POSTN: variants seen among roughly 807,000 people sequenced by gnomAD.
The protein encoded by POSTN is osteoblast specific factor 2 (fasciclin I-like).
A neutral mutation model predicts 104.5 loss-of-function variants in POSTN; 71 were observed. That is an observed-to-expected ratio of 0.68 (90% CI 0.56 to 0.83). The LOEUF is 0.83. Among genes scored for constraint, POSTN ranks in the 40% least tolerant of loss-of-function variants. POSTN has a pLI of 0.00. For missense variants in POSTN, 949 were observed against 1,006.8 expected, an observed-to-expected ratio of 0.94 and a Z score of 0.78; for synonymous variants, 355 against 340.7, an observed-to-expected ratio of 1.04 and a Z score of -0.46.
intron 3 of POSTN, among the ~76,000 whole-genome samples, chr13:37,591,378 G>C (rs1950929780): frequency 6.6e-6 from 1 of 152,164 alleles, no homozygotes; most frequent in African/African-American, 2.4e-5. Context: ...ATTATCCAAA[G>C]TGCAAGGTGT....
intron 2 of POSTN, among the ~76,000 whole-genome samples, chr13:37,593,971 A>T (rs775156008): frequency 7.9e-5 from 12 of 151,798 alleles, no homozygotes; most frequent in Non-Finnish European, 1.8e-4. Context: ...AAAAATACAG[A>T]CAAAATTAAA....
At chr13:37,563,517 G>T (rs1949991124) in intron 22 of POSTN, 147 bp from the exon 23 acceptor site, 2 of 388,792 alleles carry the variant, frequency 5.1e-6, no homozygotes, top group African/African-American at 4.2e-5. Flanking sequence ...TTCAACTTAT[G>T]GTGAAGCAAA....
rs773378508 is a variant in POSTN, at chr13:37,570,600, C to T, written c.2249G>A (p.Arg750Gln). Residue 750 changes from arginine (R) to glutamine (Q), a missense_variant, in exon 19 of 23, where the codon CGA (arginine) becomes CAA (glutamine). By Grantham distance (43) the Arg-to-Gln change is conservative. Coordinates refer to ENST00000379747, the MANE Select transcript of POSTN (RefSeq NM_006475.3). ...GCTACCTGTAATGATTCGTTCTTCT[C>T]GTGTCTCTTTTTCAGTTATTTCCAC... ...VPVEITEKETREERIITGPEI... is the reference protein window; with the variant it reads ...VPVEITEKETQEERIITGPEI... 18 of 1,602,646 alleles carry T rather than the reference C, an allele frequency of 1.1e-5. 1 individual carries two copies. The highest frequency in any genetic ancestry group is 6.7e-5 in the Admixed American group (4 of 59,892).
intron 12 of POSTN, 107 bp from the exon 13 acceptor site, chr13:37,579,466 C>A: frequency 1.1e-6 from 1 of 918,250 alleles, no homozygotes; most frequent in Non-Finnish European, 1.6e-6. Flanking sequence ...TGTACTTTCT[C>A]ATAATATCAT....
chr13:37,584,788 C>T lies in POSTN; in HGVS notation c.1036G>A (p.Val346Met). The T allele has an allele frequency of 6.2e-7, 1 of 1,613,832 alleles. No individual in the cohort carries two copies. The highest frequency in any genetic ancestry group is 8.5e-7 in the Non-Finnish European group (1 of 1,179,856). ...DSITVNGIKM[V>M]NKKDIVTNNG... ...TTTGTCACAATATCCTTTTTGTTCA[C>T]CATTTTGATTCCATTTACTGTTATA... is the stretch of plus-strand genomic sequence containing the variant. Residue 346 changes from valine to methionine, a missense_variant, in exon 8 of 23, where the codon GTG becomes ATG. Physicochemically the swap from Val to Met is conservative, Grantham distance 21. Coordinates refer to ENST00000379747, the MANE Select transcript of POSTN (RefSeq NM_006475.3).
chr13:37,564,928 T>C (rs1950046479), intron 21 of POSTN: 1 of 167,150 alleles, frequency 6.0e-6, no homozygotes, highest in African/African-American at 2.4e-5. Flanking sequence ...ATATAAAGTT[T>C]AACACAAGTA....
At position 37,590,380 on chromosome 13, in the gene POSTN, A is replaced by T; in HGVS notation, c.433T>A (p.Leu145Met). 1 of 1,561,652 alleles carries T rather than the reference A, an allele frequency of 6.4e-7. No individual in the cohort carries two copies. Among genetic ancestry groups the T allele is most frequent in the Non-Finnish European group, 8.7e-7 (1 of 1,153,620 alleles). The change falls in exon 4 of 23, where the codon TTG becomes ATG. Residue 145 changes from leucine (L) to methionine (M), a missense_variant. Leu to Met is a conservative substitution (Grantham distance 15, BLOSUM62 2). Transcript: ENST00000379747. ...FAPSNEAWDN[L>M]DSDIRRGLES... ...TAAAAATAATGAATTACAGAATCCA[A>T]GTTGTCCCAAGCCTCATTACTCGGT...
intron 2 of POSTN, 104 bp from the exon 3 acceptor site, chr13:37,592,268 T>C: frequency 1.3e-6 from 1 of 758,330 alleles, no homozygotes; most frequent in Non-Finnish European, 2.1e-6. Context: ...TTTGTTGAGG[T>C]TCTAAAAATC....
chr13:37,579,386 A>G (rs746143336), intron 12 of POSTN, 27 bp from the exon 13 acceptor site: 2 of 1,503,296 alleles, frequency 1.3e-6, no homozygotes, highest in South Asian at 2.4e-5. Context: ...GTTTATTTTT[A>G]TTGAATAATA....
intron 17 of POSTN, 39 bp from the exon 18 acceptor site, chr13:37,571,497 A>G: frequency 6.9e-7 from 1 of 1,441,308 alleles, no homozygotes; most frequent in Non-Finnish European, 9.7e-7. Flanking sequence ...TCATGTTAAA[A>G]CAGTCCTTTA....
rs777977593 is a variant in POSTN, at chr13:37,564,553, G to A, written c.2439C>T (p.Pro813=). The change falls in exon 22 of 23, where the codon CCC becomes CCT. Residue 813 remains proline, a synonymous_variant. Coordinates refer to ENST00000379747, the MANE Select transcript of POSTN (RefSeq NM_006475.3). ...EIKRLLQGDT[P]VRKLQANKKV... Reference sequence around the variant, plus strand: ...TTTTGTTGGCTTGCAACTTCCTCACGGGTGTGTCTAAAATTAAATTGTTGT... The same window carrying A: ...TTTTGTTGGCTTGCAACTTCCTCACAGGTGTGTCTAAAATTAAATTGTTGT... 14 of 1,594,080 alleles carry A rather than the reference G, an allele frequency of 8.8e-6. No individual in the cohort carries two copies. Among genetic ancestry groups the A allele is most frequent in the East Asian group, 4.5e-5 (2 of 44,542 alleles).
At chr13:37,590,706 G>T (rs1026952501) in intron 3 of POSTN, among the ~76,000 whole-genome samples, 177 bp from the exon 4 acceptor site, 4 of 151,732 alleles carry the variant, frequency 2.6e-5, no homozygotes, top group Non-Finnish European at 5.9e-5. Context: ...ATAATAAAAT[G>T]CTACTGAAAA....
intron 2 of POSTN, among the ~76,000 whole-genome samples, chr13:37,593,518 AT>A: frequency 6.6e-6 from 1 of 151,492 alleles, no homozygotes; most frequent in East Asian, 1.9e-4. Flanking sequence ...TCGTTTTGTA[AT>A]TTTTAATTGA....
intron 2 of POSTN, among the ~76,000 whole-genome samples, chr13:37,596,060 C>G (rs114155129): frequency 0.03 from 4,619 of 152,172 alleles, 225 homozygotes; most frequent in African/African-American, 0.1. Context: ...TCTCAGCCCC[C>G]CCAAAGTGCT....
chr13:37,598,521 C>T, intron 1 of POSTN, 87 bp downstream of exon 1: 1 of 1,205,456 alleles, frequency 8.3e-7, no homozygotes, highest in Non-Finnish European at 1.2e-6. Flanking sequence ...AACCCTGAGG[C>T]ATATATGAGA....
rs1209310581 is a variant in POSTN, at chr13:37,590,375, A to G, written c.438T>C (p.Asp146=). Residue 146 remains aspartate (D), a synonymous_variant, in exon 4 of 23, where the codon GAT becomes GAC. Transcript: ENST00000379747. Reference sequence around the variant, plus strand: ...ATTGATAAAAATAATGAATTACAGAATCCAAGTTGTCCCAAGCCTCATTAC... The same window carrying G: ...ATTGATAAAAATAATGAATTACAGAGTCCAAGTTGTCCCAAGCCTCATTAC... The part of the protein sequence containing the change: ...APSNEAWDNL[D]SDIRRGLESN... The G allele has an allele frequency of 7.7e-6, 12 of 1,551,646 alleles. No homozygotes were observed. The highest frequency in any genetic ancestry group is 9.6e-6 in the Non-Finnish European group (11 of 1,148,196).
At position 37,579,028 on chromosome 13, in the gene POSTN, AGAG is replaced by A. The variant is rs775016216; in HGVS notation, c.1882_1884del (p.Leu628del). ...TTCAATAATTACAAACCTGCTGGAT[AGAG>A]GAGTTTATCTACAACATGAATTACA... is the stretch of plus-strand genomic sequence containing the variant. On this transcript the variant is annotated inframe_deletion, in exon 14 of 23. Transcript: ENST00000379747. 1 of 1,613,250 alleles carries A rather than the reference AGAG, an allele frequency of 6.2e-7. No homozygotes were observed. Among genetic ancestry groups the A allele is most frequent in the Non-Finnish European group, 8.5e-7 (1 of 1,179,564 alleles).
rs1018992023 is a variant in POSTN, at chr13:37,584,192, T to G, written c.1109-89A>C. 7 of 1,487,008 alleles carry G rather than the reference T, an allele frequency of 4.7e-6. No homozygotes were observed. The African/African-American group carries it at 9.7e-5, about 21-fold the overall frequency. 92.1% of individuals were successfully genotyped at this position (1,487,008 alleles called of 1,614,324 possible). On this transcript the variant is annotated intron_variant, in intron 8 of 22. Transcript: ENST00000379747. Reference sequence around the variant, plus strand: ...AGTAAATCAATTCCTGACTCTTTTCTAATATTGTAAGCTATTTACTGCAAT... The same window carrying G: ...AGTAAATCAATTCCTGACTCTTTTCGAATATTGTAAGCTATTTACTGCAAT...
intron 2 of POSTN, among the ~76,000 whole-genome samples, chr13:37,595,153 T>G (rs968194266): frequency 2.0e-5 from 3 of 151,262 alleles, no homozygotes; most frequent in African/African-American, 7.4e-5. Context: ...TATGGCATTC[T>G]TCTCTATCTT....
Sources: allele counts gnomAD v4.1 joint callset (sites outside exome capture counted in the v4.1 genomes callset), GRCh38; gene constraint gnomAD v4.1.1; transcripts MANE v1.5; gene names NCBI Gene and HGNC (gene_info 2026-07-23, HGNC 2026-07-21).